Variants in MED16 observed in about 807,000 individuals in gnomAD.
The protein encoded by MED16 is mediator of RNA polymerase II transcription subunit 16.
Under a neutral mutation model 84.4 loss-of-function variants are expected in MED16, and 81 were observed. That is an observed-to-expected ratio of 0.96 (90% CI 0.80 to 1.15). The LOEUF is 1.15. MED16 is among the 50% of genes most tolerant of loss of function. The pLI is 0.00. For missense variants in MED16, 1,585 were observed against 1,245.9 expected (o/e 1.27, Z -4.10); for synonymous variants, 897 against 552.2 (o/e 1.62, Z -8.76).
At chr19:875,846 G>C (rs945138482) in intron 9 of MED16, among the ~76,000 whole-genome samples, 1 of 152,200 alleles carries the variant, frequency 6.6e-6, no homozygotes, top group Non-Finnish European at 1.5e-5. Flanking sequence ...GGTCTAGAGA[G>C]AATGAATGAA....
chr19:891,103 C>T lies in MED16; in HGVS notation c.29G>A (p.Gly10Asp). ...GACGTAGGCCAAGTCCATCATCCCA[C>T]CTGCCGCTGGCCGCCGCAAATCACA... MCDLRRPAA[G>D]GMMDLAYVCE... is the part of the protein sequence containing the mutation. Residue 10 changes from glycine to aspartate, a missense_variant, in exon 2 of 16, where the codon GGT becomes GAT. By Grantham distance (94) the Gly-to-Asp change is moderately conservative. Transcript: ENST00000325464. 6.2e-7 allele frequency: 1 copy of T among 1,613,770 alleles called. No individual in the cohort carries two copies. Among genetic ancestry groups the T allele is most frequent in the Non-Finnish European group, 8.5e-7 (1 of 1,179,860 alleles).
At position 891,987 on chromosome 19, in the gene MED16, G is replaced by A. The variant is rs1205577711; in HGVS notation, c.-18-838C>T. 9.6e-4 allele frequency among the ~76,000 whole-genome samples: 128 copies of A among 133,956 alleles called. No individual in the cohort carries two copies. The East Asian group carries it at 0.014, about 14-fold the overall frequency. 87.9% of individuals were successfully genotyped at this position (133,956 alleles called of 152,430 possible). On this transcript the variant is annotated intron_variant, in intron 1 of 15. Transcript: ENST00000325464. ...AGTGTGACGGGGAACACCTGTGGCC[G>A]AGGCGGGGCTGAGTGTGACGGGGAA...
rs1471511668 is a variant in MED16 at position 875,591 on chromosome 19, A to C, written c.1561-137T>G. ...GCAAGCTGCTTCGCCTCTGCACCTC[A>C]GCAACCTCATGGCAAAACAGGTGCG... On this transcript the variant is annotated intron_variant, in intron 9 of 15. Coordinates refer to ENST00000325464, the MANE Select transcript of MED16 (RefSeq NM_005481.3). 12 of 654,618 alleles carry C rather than the reference A, an allele frequency of 1.8e-5. No homozygotes were observed. In the South Asian group the frequency reaches 1.9e-4, roughly 11 times the overall value. The allele number at this position is 654,618 out of a possible 1,614,324, so 40.6% of individuals were successfully genotyped here.
chr19:880,384 CGCCCCTCCCA>C (rs1025371020), intron 7 of MED16, among the ~76,000 whole-genome samples: 4 of 152,234 alleles, frequency 2.6e-5, no homozygotes, highest in African/African-American at 9.6e-5. Context: ...AGCCCCTCCC[CGCCCCTCCCA>C]GCTGGGCCCA....
chr19:883,641 G>A (rs997941412), intron 6 of MED16, among the ~76,000 whole-genome samples: 3 of 152,102 alleles, frequency 2.0e-5, no homozygotes, highest in Non-Finnish European at 4.4e-5. Flanking sequence ...AGGTGAGGAC[G>A]GCTGCAGGAG....
chr19:868,189 G>C lies in MED16; in HGVS notation c.2546C>G (p.Ala849Gly). 1 of 1,608,336 alleles carries C rather than the reference G, an allele frequency of 6.2e-7. No homozygotes were observed. Among genetic ancestry groups the C allele is most frequent in the Non-Finnish European group, 8.5e-7 (1 of 1,178,026 alleles). ...GGACTGCGGGCCCAGCTGGACAAAG[G>C]CAGGGGCTTCCTCAGAAGCTCTGCT... ...VTSRASEEAP[A>G]FVQLGPQSTH... The change falls in exon 16 of 16, where the codon GCC becomes GGC. Residue 849 changes from alanine to glycine, a missense_variant. Ala to Gly is a moderately conservative substitution (Grantham distance 60, BLOSUM62 0). Coordinates refer to ENST00000325464, the MANE Select transcript of MED16 (RefSeq NM_005481.3).
chr19:869,862 G>A (rs532598277), intron 13 of MED16, among the ~76,000 whole-genome samples: 15 of 152,366 alleles, frequency 9.8e-5, no homozygotes, highest in South Asian at 2.1e-4. Context: ...TGACGGGCCT[G>A]GGTTCAAATC....
intron 14 of MED16, 30 bp downstream of exon 14, chr19:868,833 T>A: frequency 6.5e-7 from 1 of 1,541,466 alleles, no homozygotes; most frequent in Non-Finnish European, 8.7e-7. Context: ...GGCACATCTC[T>A]GGGAGTCAGC....
intron 6 of MED16, among the ~76,000 whole-genome samples, chr19:883,319 G>C (rs373081824): frequency 6.8e-6 from 1 of 146,200 alleles, no homozygotes; most frequent in East Asian, 2.0e-4. Context: ...TGGGGCGGTG[G>C]GTGAAGAGCT....
At chr19:871,703 T>G (rs1332600652) in intron 12 of MED16, 62 of 1,331,600 alleles carry the variant, frequency 4.7e-5, no homozygotes, top group Non-Finnish European at 6.2e-5. Flanking sequence ...CACTGCCACC[T>G]GCAGGGGCTT....
chr19:874,947 G>C (rs1387418878), intron 10 of MED16, among the ~76,000 whole-genome samples: 1 of 151,952 alleles, frequency 6.6e-6, no homozygotes, highest in Non-Finnish European at 1.5e-5. Context: ...CGGATCATTT[G>C]AGGTCAAGAG....
intron 11 of MED16, 65 bp from the exon 12 acceptor site, chr19:872,183 C>G: frequency 6.9e-7 from 1 of 1,450,494 alleles, no homozygotes; most frequent in Non-Finnish European, 9.4e-7. Context: ...GATGAAGTGT[C>G]TTGGGGTCGG....
At chr19:879,479 ACCAGCCCCAGCCCCACG>A (rs1195927756) in intron 8 of MED16, among the ~76,000 whole-genome samples, 12 of 128,190 alleles carry the variant, frequency 9.4e-5, no homozygotes, top group East Asian at 2.6e-4. Context: ...GTCAATGCCC[ACCAGCCCCAGCCCCACG>A]TGCCCCAGCA....
intron 12 of MED16, chr19:871,590 G>T (rs573901658): frequency 6.3e-7 from 1 of 1,596,020 alleles, no homozygotes; most frequent in Non-Finnish European, 8.5e-7. Context: ...GACAAGGAGA[G>T]ACAGCAAACA....
At position 876,083 on chromosome 19, in the gene MED16, G is replaced by C. The variant is rs148851351; in HGVS notation, c.1561-629C>G. Among the ~76,000 whole-genome samples the C allele has an allele frequency of 2.0e-3, 311 of 152,260 alleles. 4 individuals are homozygous for C. Among genetic ancestry groups the C allele is most frequent in the African/African-American group, 7.2e-3 (299 of 41,554 alleles). On this transcript the variant is annotated intron_variant, in intron 9 of 15. Transcript: ENST00000325464. ...CCCAGCCACGCTGGGGTTTAGCCTC[G>C]CAGCCCCCGCCTGGGTCTCACGCGT...
intron 10 of MED16, among the ~76,000 whole-genome samples, chr19:874,675 C>G (rs2036186710): frequency 1.3e-5 from 2 of 152,140 alleles, no homozygotes; most frequent in South Asian, 4.1e-4. Context: ...CTCAGGTGGT[C>G]AAGACCAGCC....
At chr19:879,326 A>G (rs2036354519) in intron 8 of MED16, among the ~76,000 whole-genome samples, 1 of 150,304 alleles carries the variant, frequency 6.7e-6, no homozygotes. Flanking sequence ...GCCCAGCCCC[A>G]CGTGCCCCAG....
rs778920960 is a variant in MED16, at chr19:889,699, TC to T, written c.385del (p.Asp129ThrfsTer13). ...ESSVGSLVEG[D>X]PIVALSWLHN... ...CAGCCAGGACAGGGCCACAATGGGG[TC>T]CCCCTCCACTAGGCTGCCCACTGAG... On this transcript the variant is annotated frameshift_variant, in exon 4 of 16. Transcript: ENST00000325464. LOFTEE classifies it high-confidence loss of function. 1 of 1,613,306 alleles carries T rather than the reference TC, an allele frequency of 6.2e-7. No homozygotes were observed. Among genetic ancestry groups the T allele is most frequent in the Non-Finnish European group, 8.5e-7 (1 of 1,179,882 alleles).
At chr19:892,689 C>G (rs1246498580) in intron 1 of MED16, 1 of 152,002 alleles carries the variant, frequency 6.6e-6, no homozygotes, top group Admixed American at 6.6e-5. Context: ...CCCGCAGTCT[C>G]CAGGCCCTGC....
Sources: gnomAD v4.1 joint callset for allele counts (sites outside exome capture counted in the v4.1 genomes callset) on GRCh38, gnomAD v4.1.1 for gene constraint, MANE v1.5 for transcripts, NCBI Gene and HGNC (gene_info 2026-07-23, HGNC 2026-07-21) for gene names.